Variants in TRAK1 observed in about 807,000 individuals in gnomAD.
The protein encoded by TRAK1 is trafficking kinesin-binding protein 1.
TRAK1 carries 33 observed loss-of-function variants against 92.1 expected under a neutral mutation model. The observed-to-expected ratio is 0.36, with a 90% CI of 0.27 to 0.48. The LOEUF is 0.48. Among genes scored for constraint, TRAK1 ranks in the 20% least tolerant of loss-of-function variants. The pLI is 0.99. For missense variants in TRAK1, 1,123 were observed against 1,257.9 expected (o/e 0.89, Z 1.62); for synonymous variants, 521 against 517.3 (o/e 1.01, Z -0.10).
chr3:42,078,075 G>A (rs1365548239), intron 1 of TRAK1, among the ~76,000 whole-genome samples: 6 of 152,188 alleles, frequency 3.9e-5, no homozygotes, highest in African/African-American at 7.2e-5. Context: ...TAATGGTTGA[G>A]GTGGGACTAA....
chr3:42,054,280 G>T (rs1309923102), intron 1 of TRAK1, among the ~76,000 whole-genome samples: 1 of 152,148 alleles, frequency 6.6e-6, no homozygotes, highest in Non-Finnish European at 1.5e-5. Flanking sequence ...ACCCCCTTTG[G>T]CTGGAGAGTC....
intron 2 of TRAK1, among the ~76,000 whole-genome samples, chr3:42,134,837 C>G (rs926097478): frequency 3.3e-5 from 5 of 152,076 alleles, no homozygotes; most frequent in Admixed American, 1.3e-4. Flanking sequence ...CCTCGGCCTC[C>G]CACAGTGCTG....
chr3:42,213,005 T>G (rs949228118), intron 14 of TRAK1, among the ~76,000 whole-genome samples: 1 of 152,108 alleles, frequency 6.6e-6, no homozygotes, highest in African/African-American at 2.4e-5. Flanking sequence ...TCTTGACATC[T>G]TACCTGGCAG....
chr3:42,042,214 A>G (rs138360713), intron 1 of TRAK1, among the ~76,000 whole-genome samples: 1 of 152,042 alleles, frequency 6.6e-6, no homozygotes, highest in African/African-American at 2.4e-5. Flanking sequence ...GGCGTGAGCC[A>G]TCGAGCTCGG....
intron 1 of TRAK1, among the ~76,000 whole-genome samples, chr3:42,061,159 A>G (rs1271475082): frequency 6.6e-6 from 1 of 152,186 alleles, no homozygotes; most frequent in African/African-American, 2.4e-5. Flanking sequence ...AAAAGTGTGC[A>G]GAGTTCCCAT....
intron 2 of TRAK1, among the ~76,000 whole-genome samples, chr3:42,152,441 C>T (rs1700066307): frequency 6.6e-6 from 1 of 152,214 alleles, no homozygotes; most frequent in Non-Finnish European, 1.5e-5. Flanking sequence ...GGATGCATCC[C>T]ATCTCTGGTG....
At chr3:42,201,494 T>A (rs1162376780) in intron 12 of TRAK1, among the ~76,000 whole-genome samples, 5 of 151,760 alleles carry the variant, frequency 3.3e-5, no homozygotes, top group Admixed American at 1.3e-4. Flanking sequence ...GTTCTCCAAA[T>A]CTGTTCTGCT....
chr3:42,137,566 C>G (rs1053962891), intron 2 of TRAK1, among the ~76,000 whole-genome samples: 1 of 152,132 alleles, frequency 6.6e-6, no homozygotes, highest in Non-Finnish European at 1.5e-5. Context: ...GGTTTTTTCC[C>G]TTAAACTCAA....
intron 1 of TRAK1, among the ~76,000 whole-genome samples, chr3:42,113,310 GTTA>G (rs1379607579): frequency 6.6e-6 from 1 of 152,022 alleles, no homozygotes; most frequent in Non-Finnish European, 1.5e-5. Flanking sequence ...CAAAAGCATT[GTTA>G]TTCTACTCTA....
Position 42,215,447 on chromosome 3 carries a change from A to G in TRAK1, c.1964-4047A>G, listed in dbSNP as rs991885632. On this transcript the variant is annotated intron_variant, in intron 14 of 15. Transcript: ENST00000327628. Reference sequence around the variant, plus strand: ...GGATGGACAATGGCTTTTATTTTCAATAGATTTGTTTTTACTTGGATTGAA... The same window carrying G: ...GGATGGACAATGGCTTTTATTTTCAGTAGATTTGTTTTTACTTGGATTGAA... 8.5e-5 allele frequency among the ~76,000 whole-genome samples: 13 copies of G among 152,268 alleles called. 1 individual carries two copies. In the East Asian group the frequency reaches 9.6e-4, roughly 11 times the overall value.
chr3:42,073,047 G>A (rs891127621), intron 1 of TRAK1, among the ~76,000 whole-genome samples: 1 of 152,144 alleles, frequency 6.6e-6, no homozygotes, highest in Non-Finnish European at 1.5e-5. Flanking sequence ...AGCAAGAGAG[G>A]ACAGACACGC....
intron 2 of TRAK1, among the ~76,000 whole-genome samples, chr3:42,171,627 C>T (rs1702568761): frequency 6.6e-6 from 1 of 152,124 alleles, no homozygotes; most frequent in African/African-American, 2.4e-5. Flanking sequence ...CCCACTTCTC[C>T]CGGCTCATTC....
chr3:42,182,441 C>T (rs1168017604), intron 3 of TRAK1, among the ~76,000 whole-genome samples: 3 of 152,046 alleles, frequency 2.0e-5, no homozygotes, highest in Non-Finnish European at 4.4e-5. Flanking sequence ...TACTGGCTCC[C>T]GCCACCACAC....
intron 10 of TRAK1, among the ~76,000 whole-genome samples, chr3:42,195,712 C>T (rs549002016): frequency 2.7e-4 from 41 of 152,268 alleles, no homozygotes; most frequent in Admixed American, 4.6e-4. Flanking sequence ...ACCCCCTCTC[C>T]GCCTCAAGAA....
intron 14 of TRAK1, chr3:42,212,236 C>T: frequency 1.0e-6 from 1 of 985,358 alleles, no homozygotes; most frequent in South Asian, 4.7e-5. Context: ...GATTTGTATC[C>T]ATGGTGGTCT....
intron 4 of TRAK1, 24 bp from the exon 5 acceptor site, chr3:42,188,021 G>C (rs774978251): frequency 6.2e-7 from 1 of 1,608,638 alleles, no homozygotes; most frequent in Non-Finnish European, 8.5e-7. Flanking sequence ...GGAAGCAAAT[G>C]ATGGGCCTGC....
chr3:42,086,939 T>G (rs1172916594), upstream of TRAK1, among the ~76,000 whole-genome samples: 3 of 152,190 alleles, frequency 2.0e-5, no homozygotes. Context: ...CTGCAGTTAT[T>G]TTATTGAAAC....
At chr3:42,205,729 C>G (rs753694412) in intron 13 of TRAK1, among the ~76,000 whole-genome samples, 16 of 152,176 alleles carry the variant, frequency 1.1e-4, no homozygotes, top group Non-Finnish European at 1.3e-4. Flanking sequence ...GTATCTAAGC[C>G]CTGATGCTCC....
rs1279562665 is a variant in TRAK1, at chr3:42,182,314, T to C, written c.364-2371T>C. Among the ~76,000 whole-genome samples, 77 of 138,758 alleles carry C rather than the reference T, an allele frequency of 5.5e-4. 1 individual carries two copies. Among genetic ancestry groups the C allele is most frequent in the Non-Finnish European group, 1.1e-3 (67 of 63,660 alleles). The allele number at this position is 138,758 out of a possible 152,430, so 91.0% of individuals were successfully genotyped here. A position where few individuals can be genotyped will look rare whatever the true frequency, so the allele number is the denominator to read the frequency against. ...GCAACTCTCTCTTTTTTTTTTTTTT[T>C]CTTTTTTTGAGACAGAGTCTCTCTC... On this transcript the variant is annotated intron_variant, in intron 3 of 15. Coordinates refer to ENST00000327628, the MANE Select transcript of TRAK1 (RefSeq NM_001042646.3).
Sources: allele counts gnomAD v4.1 joint callset (sites outside exome capture counted in the v4.1 genomes callset), GRCh38; gene constraint gnomAD v4.1.1; transcripts MANE v1.5; gene names NCBI Gene and HGNC (gene_info 2026-07-23, HGNC 2026-07-21).